Variants in FHIP1A observed in about 807,000 individuals in gnomAD.
The protein encoded by FHIP1A is FHF complex subunit HOOK-interacting protein 1A.
A neutral mutation model predicts 88.6 loss-of-function variants in FHIP1A; 61 were observed. The observed-to-expected ratio is 0.69, with a 90% CI of 0.56 to 0.85. The LOEUF is 0.85. FHIP1A is among the 40% of genes least tolerant of loss of function. The pLI, the probability that FHIP1A is intolerant of heterozygous loss-of-function variation, is 0.00. For synonymous variants in FHIP1A, 478 were observed against 496.0 expected (o/e 0.96, Z 0.48); for missense variants, 1,154 against 1,273.5 (o/e 0.91, Z 1.43).
At position 151,629,878 on chromosome 4, in the gene FHIP1A, A is replaced by G; in HGVS notation, c.1146+9A>G. ...TCAACACCCCGTTTCGGGTAAGGAGAGCGCCAGAGGAAGGGAACTTACAAC... is the reference window on the plus strand; with the variant it reads ...TCAACACCCCGTTTCGGGTAAGGAGGGCGCCAGAGGAAGGGAACTTACAAC... On this transcript the variant is annotated intron_variant, in intron 8 of 13. Coordinates refer to ENST00000435205, the MANE Select transcript of FHIP1A (RefSeq NM_001109977.3). 6.5e-7 allele frequency: 1 copy of G among 1,549,224 alleles called. No individual in the cohort carries two copies. Among genetic ancestry groups the G allele is most frequent in the Non-Finnish European group, 8.7e-7 (1 of 1,145,452 alleles).
Position 151,669,970 on chromosome 4 carries a change from G to A in FHIP1A, c.*7216G>A, listed in dbSNP as rs914611006. The A allele has an allele frequency of 6.6e-6, 1 of 152,120 alleles. No homozygotes were observed. Among genetic ancestry groups the A allele is most frequent in the African/African-American group, 2.4e-5 (1 of 41,398 alleles). 9.4% of individuals were successfully genotyped at this position (152,120 alleles called of 1,614,324 possible). A position where few individuals can be genotyped will look rare whatever the true frequency, so the allele number is the denominator to read the frequency against. On this transcript the variant is annotated 3_prime_UTR_variant, in exon 14 of 14. Transcript: ENST00000435205. ...ATGGAGGGGTGTCCACTTTTTTCTA[G>A]TTCCTCAGCTGCTTCTGGAGCAGTG...
chr4:151,622,994 G>A (rs1316119755), intron 7 of FHIP1A, among the ~76,000 whole-genome samples: 2 of 152,194 alleles, frequency 1.3e-5, no homozygotes, highest in Non-Finnish European at 2.9e-5. Context: ...TAGGAAAGGA[G>A]GCTATAGACG....
Position 151,413,378 on chromosome 4 carries a change from G to A in FHIP1A, c.-356+3913G>A, listed in dbSNP as rs149351602. 8.0e-3 allele frequency among the ~76,000 whole-genome samples: 1,220 copies of A among 152,272 alleles called. 13 individuals are homozygous for A. The highest frequency in any genetic ancestry group is 0.031 in the Middle Eastern group (9 of 294). On this transcript the variant is annotated intron_variant, in intron 1 of 13. Coordinates refer to ENST00000435205, the MANE Select transcript of FHIP1A (RefSeq NM_001109977.3). ...CTCAGGGGTGAGGAGGAGCCAGACA[G>A]GAATCTGCTGTTTTTGGCTATGTAC...
At chr4:151,514,021 C>T (rs1486561082) in intron 3 of FHIP1A, among the ~76,000 whole-genome samples, 1 of 151,076 alleles carries the variant, frequency 6.6e-6, no homozygotes, top group African/African-American at 2.4e-5. Flanking sequence ...CACCACACCA[C>T]ACATATTCCA....
chr4:151,594,338 C>A (rs1352398187), intron 7 of FHIP1A, among the ~76,000 whole-genome samples: 1 of 152,038 alleles, frequency 6.6e-6, no homozygotes, highest in Non-Finnish European at 1.5e-5. Context: ...CTTTTTACCT[C>A]TGGTAGAATT....
Position 151,459,198 on chromosome 4 carries a change from C to T in FHIP1A, c.-248+4390C>T, listed in dbSNP as rs1035007309. On this transcript the variant is annotated intron_variant, in intron 2 of 13. Coordinates refer to ENST00000435205, the MANE Select transcript of FHIP1A (RefSeq NM_001109977.3). The stretch of plus-strand genomic sequence containing the variant: ...TTTTTAAAGTATATATATACACACA[C>T]GTGCACAAAAAGTATTACCGGAGTA... 4.6e-5 allele frequency among the ~76,000 whole-genome samples: 7 copies of T among 151,778 alleles called. 1 individual carries two copies. The highest frequency in any genetic ancestry group is 2.0e-4 in the Admixed American group (3 of 15,224).
chr4:151,470,225 A>T (rs1329868379), intron 2 of FHIP1A, among the ~76,000 whole-genome samples: 2 of 152,210 alleles, frequency 1.3e-5, no homozygotes, highest in African/African-American at 2.4e-5. Context: ...GTAGAAAAGA[A>T]AGCTGTGTGT....
intron 3 of FHIP1A, among the ~76,000 whole-genome samples, chr4:151,506,409 A>G (rs1424644056): frequency 6.6e-6 from 1 of 152,224 alleles, no homozygotes; most frequent in Non-Finnish European, 1.5e-5. Context: ...CTATAAAGAA[A>G]TACCTGAGGC....
At chr4:151,531,512 T>TC (rs1345032517) in intron 3 of FHIP1A, among the ~76,000 whole-genome samples, 1 of 152,056 alleles carries the variant, frequency 6.6e-6, no homozygotes, top group Non-Finnish European at 1.5e-5. Context: ...TTCTTTTTTT[T>TC]TTTTGCCTTA....
Position 151,650,232 on chromosome 4 carries a change from C to T in FHIP1A, c.2191C>T (p.Pro731Ser), listed in dbSNP as rs1430766277. Residue 731 changes from proline (P) to serine (S), a missense_variant, in exon 11 of 14, where the codon CCT (proline) becomes TCT (serine). Transcript: ENST00000435205. ...AGAATCCAACTCAGAGTTAGCATCCCCTGCCCCTGAGGCAGAGCACAGCTC... is the reference window on the plus strand; with the variant it reads ...AGAATCCAACTCAGAGTTAGCATCCTCTGCCCCTGAGGCAGAGCACAGCTC... The part of the protein sequence containing the change: ...APESNSELAS[P>S]APEAEHSSNL... The T allele has an allele frequency of 1.3e-6, 2 of 1,551,628 alleles. No individual in the cohort carries two copies. Among genetic ancestry groups the T allele is most frequent in the Middle Eastern group, 1.7e-4 (1 of 6,014 alleles).
Position 151,499,704 on chromosome 4 carries a change from A to C in FHIP1A, c.-123+17056A>C, listed in dbSNP as rs550718347. ...AGCGTGGCTGGGGAGGCCTCAGGAA[A>C]CTTACAATCGTCGTGGAAGGGGAAG... On this transcript the variant is annotated intron_variant, in intron 3 of 13. Coordinates refer to ENST00000435205, the MANE Select transcript of FHIP1A (RefSeq NM_001109977.3). 9.2e-5 allele frequency among the ~76,000 whole-genome samples: 14 copies of C among 152,320 alleles called. No individual in the cohort carries two copies. In the South Asian group the frequency reaches 2.7e-3, roughly 29 times the overall value.
intron 3 of FHIP1A, among the ~76,000 whole-genome samples, chr4:151,552,317 C>T (rs2126746874): frequency 6.6e-6 from 1 of 152,268 alleles, no homozygotes; most frequent in South Asian, 2.1e-4. Context: ...CCAGCAATCC[C>T]TTTACTGGGA....
At chr4:151,603,186 G>T (rs768092109) in intron 7 of FHIP1A, among the ~76,000 whole-genome samples, 1 of 152,050 alleles carries the variant, frequency 6.6e-6, no homozygotes, top group Non-Finnish European at 1.5e-5. Context: ...GGTGGCATGT[G>T]CCTGTAGTCC....
At chr4:151,650,667 G>A (rs1388580590) in intron 11 of FHIP1A, 75 bp downstream of exon 11, 3 of 1,461,388 alleles carry the variant, frequency 2.1e-6, no homozygotes, top group Non-Finnish European at 2.7e-6. Context: ...AAGGAAGGTA[G>A]GAAAAGGTAA....
chr4:151,412,610 TCCTCCCTCCCTC>T (rs1180732756), intron 1 of FHIP1A, among the ~76,000 whole-genome samples: 87 of 121,946 alleles, frequency 7.1e-4, no homozygotes, highest in African/African-American at 2.4e-3. Context: ...CTTCCTTCCT[TCCTCCCTCCCTC>T]CCTCCCTCCC....
chr4:151,643,444 A>G (rs909579707), intron 9 of FHIP1A, among the ~76,000 whole-genome samples: 2 of 152,212 alleles, frequency 1.3e-5, no homozygotes, highest in Non-Finnish European at 2.9e-5. Flanking sequence ...AGCATTTATC[A>G]TTTCTTTGTG....
Position 151,662,571 on chromosome 4 carries a change from G to A in FHIP1A, c.2940G>A (p.Gln980=), listed in dbSNP as rs1190900458. 5.8e-6 allele frequency: 9 copies of A among 1,551,568 alleles called. No homozygotes were observed. The highest frequency in any genetic ancestry group is 2.4e-5 in the East Asian group (1 of 40,886). ...NLLDGPPRVL[Q]PFLTHRTKVA... is the part of the protein sequence containing the mutation. The stretch of plus-strand genomic sequence containing the variant: ...TGGATGGACCTCCAAGAGTGCTTCA[G>A]CCCTTCCTGACCCACAGAACCAAGG... Residue 980 remains glutamine (Q), a synonymous_variant, in exon 14 of 14, where the codon CAG becomes CAA. Transcript: ENST00000435205.
At chr4:151,618,232 A>T (rs184113467) in intron 7 of FHIP1A, among the ~76,000 whole-genome samples, 3 of 152,374 alleles carry the variant, frequency 2.0e-5, no homozygotes, top group East Asian at 1.9e-4. Flanking sequence ...TGTGTTGGTT[A>T]TGCTGGAAAA....
chr4:151,610,675 A>G (rs1735287525), intron 7 of FHIP1A, among the ~76,000 whole-genome samples: 2 of 152,096 alleles, frequency 1.3e-5, no homozygotes, highest in Non-Finnish European at 2.9e-5. Flanking sequence ...TCCACTTGAG[A>G]TGCCAACTAT....
Sources: allele counts gnomAD v4.1 joint callset (sites outside exome capture counted in the v4.1 genomes callset), GRCh38; gene constraint gnomAD v4.1.1; transcripts MANE v1.5; gene names NCBI Gene and HGNC (gene_info 2026-07-23, HGNC 2026-07-21).